Variants in MAGI2 observed in about 807,000 individuals in gnomAD.
MAGI2 encodes membrane-associated guanylate kinase, WW and PDZ domain-containing protein 2.
Under a neutral mutation model 133.3 loss-of-function variants are expected in MAGI2, and 35 were observed. The ratio of observed to expected loss-of-function variants is 0.26; its 90% CI spans 0.20 to 0.35. The LOEUF is 0.35. MAGI2 is among the 10% of genes least tolerant of loss of function. MAGI2 has a pLI of 1.00. For synonymous variants in MAGI2, 729 were observed against 710.6 expected, an observed-to-expected ratio of 1.03 and a Z score of -0.41; for missense variants, 1,636 against 1,863.4, an observed-to-expected ratio of 0.88 and a Z score of 2.25.
At chr7:78,706,251 C>G (rs956936629) in intron 2 of MAGI2, among the ~76,000 whole-genome samples, 1 of 151,966 alleles carries the variant, frequency 6.6e-6, no homozygotes, top group Admixed American at 6.6e-5. Context: ...CTTTCCTGTG[C>G]TATTCTTGTG....
chr7:78,944,385 T>C lies in MAGI2; in HGVS notation c.418+62705A>G, dbSNP rs923744843. 3.3e-5 allele frequency among the ~76,000 whole-genome samples: 5 copies of C among 152,198 alleles called. No individual in the cohort carries two copies. In the South Asian group the frequency reaches 1.0e-3, roughly 32 times the overall value. On this transcript the variant is annotated intron_variant, in intron 2 of 21. Transcript: ENST00000354212. Reference sequence around the variant, plus strand: ...TTTCCCCCAAGTTTTCCTAATGGTGTGTTAGGATAGACATAAGCTCACAGA... The same window carrying C: ...TTTCCCCCAAGTTTTCCTAATGGTGCGTTAGGATAGACATAAGCTCACAGA...
At chr7:78,719,356 G>A (rs2151196372) in intron 2 of MAGI2, among the ~76,000 whole-genome samples, 1 of 151,076 alleles carries the variant, frequency 6.6e-6, no homozygotes, top group East Asian at 2.0e-4. Context: ...CCTTAAGGTT[G>A]AAGGAAAAAA....
intron 2 of MAGI2, among the ~76,000 whole-genome samples, chr7:78,917,272 G>T (rs1798877364): frequency 6.6e-6 from 1 of 151,928 alleles, no homozygotes; most frequent in Non-Finnish European, 1.5e-5. Context: ...TGGAGAGGAG[G>T]GTACTGAATT....
At chr7:78,793,240 T>C (rs1041939659) in intron 2 of MAGI2, among the ~76,000 whole-genome samples, 2 of 152,222 alleles carry the variant, frequency 1.3e-5, no homozygotes, top group Non-Finnish European at 2.9e-5. Context: ...AGATATGCAC[T>C]GTGAAGGAAA....
intron 10 of MAGI2, among the ~76,000 whole-genome samples, chr7:78,206,722 A>ATATTTGCTAGAACATATGATTCTAC (rs1315008963): frequency 3.3e-5 from 5 of 152,224 alleles, no homozygotes; most frequent in Admixed American, 1.3e-4. Context: ...TTTAGCTGAA[A>ATATTTGCTAGAACATATGATTCTAC]TATTTGCTAG....
At chr7:78,472,707 C>A (rs922046188) in intron 6 of MAGI2, among the ~76,000 whole-genome samples, 4 of 152,140 alleles carry the variant, frequency 2.6e-5, no homozygotes, top group Admixed American at 2.6e-4. Context: ...AGCACTCAAG[C>A]ATTCCTCTAA....
chr7:78,203,846 G>T (rs1214421227), intron 10 of MAGI2, among the ~76,000 whole-genome samples: 1 of 152,194 alleles, frequency 6.6e-6, no homozygotes, highest in Admixed American at 6.5e-5. Context: ...GAAGACAGAA[G>T]GTCAAATTTT....
intron 6 of MAGI2, among the ~76,000 whole-genome samples, chr7:78,458,293 T>TAAAAAAAA (rs1789550326): frequency 6.0e-5 from 1 of 16,562 alleles, no homozygotes; most frequent in South Asian, 3.5e-3. Context: ...AAACTCGGTC[T>TAAAAAAAA]CAAAAAAAAA....
chr7:79,269,254 C>G (rs1207618744), intron 1 of MAGI2, among the ~76,000 whole-genome samples: 3 of 152,144 alleles, frequency 2.0e-5, no homozygotes, highest in African/African-American at 7.2e-5. Flanking sequence ...AATGGAGCAA[C>G]TCAATCCCTA....
At chr7:78,771,383 A>G (rs1825578124) in intron 2 of MAGI2, 2 of 152,194 alleles carry the variant, frequency 1.3e-5, no homozygotes, top group African/African-American at 4.8e-5. Flanking sequence ...CCCCTCCATT[A>G]AAAGCCAGTG....
chr7:79,018,445 A>G (rs1013733653), intron 1 of MAGI2, among the ~76,000 whole-genome samples: 1 of 152,204 alleles, frequency 6.6e-6, no homozygotes, highest in Non-Finnish European at 1.5e-5. Flanking sequence ...ACAAAAGCAC[A>G]TTTAAGTACA....
chr7:78,614,421 T>C (rs556118630), intron 3 of MAGI2: 3 of 152,234 alleles, frequency 2.0e-5, no homozygotes, highest in African/African-American at 7.2e-5. Flanking sequence ...AATGCACCAA[T>C]AGTTTTACAC....
intron 2 of MAGI2, among the ~76,000 whole-genome samples, chr7:78,816,158 C>A (rs1361715786): frequency 6.6e-6 from 1 of 152,168 alleles, no homozygotes; most frequent in Non-Finnish European, 1.5e-5. Flanking sequence ...ATTCCACCAG[C>A]TACATTTGCT....
chr7:78,261,799 C>T (rs1164544388), intron 9 of MAGI2, among the ~76,000 whole-genome samples: 1 of 152,096 alleles, frequency 6.6e-6, no homozygotes, highest in African/African-American at 2.4e-5. Context: ...TTTTCTGCAG[C>T]TTATATTAAT....
At chr7:78,472,587 T>A (rs1791331170) in intron 6 of MAGI2, among the ~76,000 whole-genome samples, 1 of 152,148 alleles carries the variant, frequency 6.6e-6, no homozygotes, top group African/African-American at 2.4e-5. Flanking sequence ...TAGGGAATAC[T>A]GTATTTCTAA....
At chr7:78,926,796 G>A (rs1799726749) in intron 2 of MAGI2, among the ~76,000 whole-genome samples, 1 of 151,632 alleles carries the variant, frequency 6.6e-6, no homozygotes, top group Non-Finnish European at 1.5e-5. Context: ...TTTAAACTGT[G>A]TAGGAGAAAT....
At chr7:78,573,209 T>TATATAAATATAA (rs1801760855) in intron 3 of MAGI2, among the ~76,000 whole-genome samples, 1 of 78,558 alleles carries the variant, frequency 1.3e-5, no homozygotes, top group African/African-American at 6.3e-5. Flanking sequence ...TATATAAATA[T>TATATAAATATAA]ATATATAAAT....
At chr7:78,481,545 G>C (rs1265372291) in intron 6 of MAGI2, among the ~76,000 whole-genome samples, 1 of 151,774 alleles carries the variant, frequency 6.6e-6, no homozygotes, top group African/African-American at 2.4e-5. Context: ...CAAATATTAA[G>C]GTTTACTATA....
At chr7:78,477,730 A>C (rs1791925978) in intron 6 of MAGI2, among the ~76,000 whole-genome samples, 1 of 151,910 alleles carries the variant, frequency 6.6e-6, no homozygotes, top group Non-Finnish European at 1.5e-5. Flanking sequence ...GGATTACTAC[A>C]ATTCAAGGTG....
Sources: allele counts gnomAD v4.1 joint callset (sites outside exome capture counted in the v4.1 genomes callset), GRCh38; gene constraint gnomAD v4.1.1; transcripts MANE v1.5; gene names NCBI Gene and HGNC (gene_info 2026-07-23, HGNC 2026-07-21).